The following CTNNA3 variants were observed in gnomAD, a reference collection of about 807,000 sequenced individuals.
The protein encoded by CTNNA3 is catenin alpha 3, also known as catenin alpha-3.
In CTNNA3, 76 loss-of-function variants were observed where a neutral mutation model predicts 95.7. That is an observed-to-expected ratio of 0.79 (90% confidence interval 0.66 to 0.96). The LOEUF is 0.96. CTNNA3 is among the 40% of genes least tolerant of loss of function. CTNNA3 has a pLI of 0.00. For synonymous variants in CTNNA3, 431 were observed against 374.4 expected, an observed-to-expected ratio of 1.15 and a Z score of -1.74; for missense variants, 1,191 against 1,089.8, an observed-to-expected ratio of 1.09 and a Z score of -1.31.
At chr10:66,674,204 T>C (rs1219129751) in intron 9 of CTNNA3, among the ~76,000 whole-genome samples, 1 of 152,118 alleles carries the variant, frequency 6.6e-6, no homozygotes, top group Non-Finnish European at 1.5e-5. Flanking sequence ...ACATATGGGA[T>C]AACTCCTTGG....
chr10:66,910,986 GCCTAA>G (rs772841630), intron 7 of CTNNA3, among the ~76,000 whole-genome samples: 1 of 152,148 alleles, frequency 6.6e-6, no homozygotes, highest in Non-Finnish European at 1.5e-5. Context: ...TTCCACTGAG[GCCTAA>G]CCAAATTTCA....
intron 5 of CTNNA3, among the ~76,000 whole-genome samples, chr10:67,354,934 C>T (rs1842760319): frequency 6.6e-6 from 1 of 151,904 alleles, no homozygotes; most frequent in Non-Finnish European, 1.5e-5. Context: ...GGGTTTCCTA[C>T]ACCTATGTGT....
intron 11 of CTNNA3, among the ~76,000 whole-genome samples, chr10:66,399,519 G>T (rs2093003955): frequency 6.6e-6 from 1 of 151,888 alleles, no homozygotes; most frequent in South Asian, 2.1e-4. Context: ...ATATGCGTGT[G>T]AAGTGAAGAT....
At chr10:67,549,901 C>T (rs1840964492) in intron 3 of CTNNA3, among the ~76,000 whole-genome samples, 1 of 152,158 alleles carries the variant, frequency 6.6e-6, no homozygotes, top group African/African-American at 2.4e-5. Context: ...GCCCACAAAG[C>T]CTGAAATATT....
chr10:67,540,598 A>G (rs1375864886), intron 3 of CTNNA3, among the ~76,000 whole-genome samples: 4 of 152,030 alleles, frequency 2.6e-5, no homozygotes, highest in African/African-American at 9.7e-5. Flanking sequence ...TTTTATATAC[A>G]TAAATGTATA....
At chr10:66,778,251 A>C (rs1429131862) in intron 7 of CTNNA3, among the ~76,000 whole-genome samples, 1 of 152,116 alleles carries the variant, frequency 6.6e-6, no homozygotes, top group Non-Finnish European at 1.5e-5. Flanking sequence ...GGCTTCAGTC[A>C]AGCCATTTTA....
intron 9 of CTNNA3, among the ~76,000 whole-genome samples, chr10:66,669,402 G>A (rs1846577318): frequency 6.6e-6 from 1 of 151,964 alleles, no homozygotes; most frequent in Non-Finnish European, 1.5e-5. Flanking sequence ...AATTAGCCAG[G>A]CATGGTGGCA....
At chr10:66,976,478 T>C (rs1308169828) in intron 7 of CTNNA3, among the ~76,000 whole-genome samples, 1 of 152,152 alleles carries the variant, frequency 6.6e-6, no homozygotes, top group East Asian at 1.9e-4. Context: ...TATAGATTAC[T>C]CCAATAGCCT....
chr10:66,309,133 A>G (rs570528762), intron 12 of CTNNA3, among the ~76,000 whole-genome samples: 4 of 152,324 alleles, frequency 2.6e-5, no homozygotes, highest in South Asian at 4.1e-4. Context: ...TATTTTGTAC[A>G]AATGTGTTTA....
chr10:66,701,272 T>C (rs953198176), intron 9 of CTNNA3, among the ~76,000 whole-genome samples: 35 of 152,192 alleles, frequency 2.3e-4, no homozygotes, highest in African/African-American at 7.7e-4. Context: ...AGTTTTATAA[T>C]GAGTTTTGAA....
At chr10:67,220,581 A>C (rs1864607941) in intron 5 of CTNNA3, among the ~76,000 whole-genome samples, 2 of 152,140 alleles carry the variant, frequency 1.3e-5, no homozygotes, top group Non-Finnish European at 2.9e-5. Flanking sequence ...GAAAACACAA[A>C]AGTGAAGTGT....
chr10:67,557,658 A>C (rs1309632984), intron 3 of CTNNA3, among the ~76,000 whole-genome samples: 2 of 152,210 alleles, frequency 1.3e-5, no homozygotes, highest in African/African-American at 4.8e-5. Flanking sequence ...AGTTTCAAAT[A>C]ACAGAATCTA....
At chr10:66,307,129 C>A (rs939296424) in intron 12 of CTNNA3, among the ~76,000 whole-genome samples, 1 of 152,108 alleles carries the variant, frequency 6.6e-6, no homozygotes, top group Admixed American at 6.6e-5. Context: ...AGTTATATAA[C>A]TAGTACAGAG....
intron 11 of CTNNA3, among the ~76,000 whole-genome samples, chr10:66,423,351 T>G (rs976268926): frequency 6.6e-6 from 1 of 152,096 alleles, no homozygotes. Flanking sequence ...AGTCTTAAAA[T>G]AATTTGTAAA....
chr10:66,788,406 A>C (rs1031723025), intron 7 of CTNNA3, among the ~76,000 whole-genome samples: 3 of 152,158 alleles, frequency 2.0e-5, no homozygotes, highest in African/African-American at 7.2e-5. Context: ...CAGTTGCAGG[A>C]GATTGCTGTG....
chr10:66,488,521 G>C (rs953352692), intron 11 of CTNNA3, among the ~76,000 whole-genome samples: 4 of 152,114 alleles, frequency 2.6e-5, no homozygotes, highest in African/African-American at 9.7e-5. Context: ...AATGATAATG[G>C]AATGGCTATT....
At chr10:67,177,658 TC>T (rs1476586423) in intron 7 of CTNNA3, among the ~76,000 whole-genome samples, 16 of 152,246 alleles carry the variant, frequency 1.1e-4, no homozygotes, top group African/African-American at 3.9e-4. Flanking sequence ...AGGTTTGAGT[TC>T]AGCTAGTTCC....
chr10:66,860,129 CACATTGTGCACATGTA>C (rs948892629), intron 7 of CTNNA3, among the ~76,000 whole-genome samples: 6 of 150,380 alleles, frequency 4.0e-5, no homozygotes, highest in African/African-American at 1.5e-4. Flanking sequence ...AACTAACCTG[CACATTGTGCACATGTA>C]CCCTAAAACT....
chr10:66,344,678 T>A (rs1057249476), intron 12 of CTNNA3, among the ~76,000 whole-genome samples: 3 of 152,128 alleles, frequency 2.0e-5, no homozygotes, highest in South Asian at 4.1e-4. Flanking sequence ...TGATCTAAAG[T>A]CTTCTCTCTA....
Sources: gnomAD v4.1 joint callset for allele counts (sites outside exome capture counted in the v4.1 genomes callset) on GRCh38, gnomAD v4.1.1 for gene constraint, MANE v1.5 for transcripts, NCBI Gene and HGNC (gene_info 2026-07-23, HGNC 2026-07-21) for gene names.